The following CPA3 variants were observed in gnomAD, a reference collection of about 807,000 sequenced individuals.
CPA3 encodes carboxypeptidase A3.
In CPA3, 52 loss-of-function variants were observed where a neutral mutation model predicts 55.8. The ratio of observed to expected loss-of-function variants is 0.93; its 90% CI spans 0.75 to 1.17. The LOEUF (loss-of-function observed/expected upper bound fraction) is 1.17. Among genes scored for constraint, CPA3 ranks in the 50% most tolerant of loss-of-function variants. The pLI, the probability that CPA3 is intolerant of heterozygous loss-of-function variation, is 0.00. For synonymous variants in CPA3, 179 were observed against 171.2 expected (o/e 1.05, Z -0.36); for missense variants, 547 against 509.1 (o/e 1.07, Z -0.72).
intron 10 of CPA3, among the ~76,000 whole-genome samples, chr3:148,887,914 G>A (rs1384445008): frequency 6.6e-6 from 1 of 152,162 alleles, no homozygotes; most frequent in African/African-American, 2.4e-5. Flanking sequence ...AAGTGAATGT[G>A]AGTTGAAACC....
At position 148,883,803 on chromosome 3, in the gene CPA3, C is replaced by A. The variant is rs1402821968; in HGVS notation, c.969C>A (p.Asn323Lys). The stretch of plus-strand genomic sequence containing the variant: ...GATATACATCAAAACTGCCACCTAA[C>A]CATGAGGACTTGGTACGTAGACAAA... ...PYGYTSKLPP[N>K]HEDLAKVAKI... is the part of the protein sequence containing the mutation. Residue 323 changes from asparagine to lysine, a missense_variant, in exon 9 of 11, where the codon AAC becomes AAA. Coordinates refer to ENST00000296046, the MANE Select transcript of CPA3 (RefSeq NM_001870.4). 2 of 1,613,474 alleles carry A rather than the reference C, an allele frequency of 1.2e-6. No individual in the cohort carries two copies. Among genetic ancestry groups the A allele is most frequent in the Non-Finnish European group, 1.7e-6 (2 of 1,179,538 alleles).
At chr3:148,868,621 G>A (rs1713972121) in intron 2 of CPA3, among the ~76,000 whole-genome samples, 1 of 151,344 alleles carries the variant, frequency 6.6e-6, no homozygotes, top group African/African-American at 2.4e-5. Context: ...CAAAATTGTG[G>A]AAGAAAAAAA....
chr3:148,866,143 T>C (rs1466690269), intron 2 of CPA3, among the ~76,000 whole-genome samples: 3 of 152,338 alleles, frequency 2.0e-5, no homozygotes, highest in East Asian at 1.9e-4. Context: ...AGGGTTATAA[T>C]GTAACTCATT....
Position 148,876,662 on chromosome 3 carries a change from C to T in CPA3, c.270-1779C>T, listed in dbSNP as rs563028314. ...AAAGTGCTGGGATTACAGGTGTGAA[C>T]CACCATGCCCAGCCAAGACATTTAT... On this transcript the variant is annotated intron_variant, in intron 3 of 10. Coordinates refer to ENST00000296046, the MANE Select transcript of CPA3 (RefSeq NM_001870.4). Among the ~76,000 whole-genome samples the T allele has an allele frequency of 4.9e-3, 748 of 152,240 alleles. 4 individuals are homozygous for T. Among genetic ancestry groups the T allele is most frequent in the Non-Finnish European group, 5.1e-3 (349 of 68,010 alleles).
At chr3:148,875,144 A>G (rs897362084) in intron 3 of CPA3, among the ~76,000 whole-genome samples, 2 of 152,194 alleles carry the variant, frequency 1.3e-5, no homozygotes, top group Admixed American at 1.3e-4. Flanking sequence ...GATAAGATTT[A>G]TAGTGACGGA....
Position 148,896,972 on chromosome 3 carries a change from T to G in CPA3, c.*265T>G, listed in dbSNP as rs1237381505. 4 of 277,418 alleles carry G rather than the reference T, an allele frequency of 1.4e-5. No homozygotes were observed. Among genetic ancestry groups the G allele is most frequent in the Non-Finnish European group, 2.7e-5 (4 of 148,420 alleles). The allele number at this position is 277,418 out of a possible 1,614,324, so 17.2% of individuals were successfully genotyped here. ...GAAAGCATTATTTTGAAAGGTGATATACAGTGGGGCACAGAAAACAAATGA... is the reference window on the plus strand; with the variant it reads ...GAAAGCATTATTTTGAAAGGTGATAGACAGTGGGGCACAGAAAACAAATGA... On this transcript the variant is annotated 3_prime_UTR_variant, in exon 11 of 11. Coordinates refer to ENST00000296046, the MANE Select transcript of CPA3 (RefSeq NM_001870.4).
intron 8 of CPA3, 151 bp downstream of exon 8, chr3:148,882,746 C>A: frequency 1.6e-6 from 1 of 637,452 alleles, no homozygotes; most frequent in Non-Finnish European, 2.8e-6. Flanking sequence ...ATCATCACTA[C>A]CATTGAGGGA....
intron 10 of CPA3, among the ~76,000 whole-genome samples, chr3:148,888,264 G>A (rs1343572881): frequency 6.6e-6 from 1 of 152,170 alleles, no homozygotes; most frequent in African/African-American, 2.4e-5. Flanking sequence ...CAGTTTCTAG[G>A]ACTTACTTAT....
chr3:148,886,776 C>T (rs1051030807), intron 10 of CPA3, among the ~76,000 whole-genome samples: 1 of 152,168 alleles, frequency 6.6e-6, no homozygotes, highest in African/African-American at 2.4e-5. Flanking sequence ...CTCTTTCTTA[C>T]TTGCCTTGTC....
intron 3 of CPA3, among the ~76,000 whole-genome samples, chr3:148,878,033 A>G (rs1403634908): frequency 6.6e-6 from 1 of 152,236 alleles, no homozygotes; most frequent in East Asian, 1.9e-4. Flanking sequence ...AGGTAAAATT[A>G]ACTGTAGCAA....
intron 9 of CPA3, among the ~76,000 whole-genome samples, chr3:148,885,440 CT>C (rs1714503481): frequency 8.7e-6 from 1 of 114,662 alleles, no homozygotes; most frequent in Non-Finnish European, 1.7e-5. Context: ...TAGACGGAGT[CT>C]CGCTCTGTCA....
chr3:148,878,304 AGAG>A, intron 3 of CPA3, 134 bp from the exon 4 acceptor site: 1 of 682,820 alleles, frequency 1.5e-6, no homozygotes, highest in Non-Finnish European at 2.6e-6. Flanking sequence ...GGAGATAGCT[AGAG>A]GAGAATAATG....
chr3:148,873,377 G>GCGCACA (rs1553769016), intron 3 of CPA3, among the ~76,000 whole-genome samples: 1 of 145,918 alleles, frequency 6.9e-6, no homozygotes, highest in East Asian at 2.0e-4. Flanking sequence ...GCGCACACGC[G>GCGCACA]CACACACACA....
chr3:148,889,444 A>AT (rs1714612741), intron 10 of CPA3, among the ~76,000 whole-genome samples: 1 of 152,120 alleles, frequency 6.6e-6, no homozygotes, highest in South Asian at 2.1e-4. Context: ...TTTAGAAAAA[A>AT]ATATATATAT....
At chr3:148,876,179 G>GA (rs973705102) in intron 3 of CPA3, among the ~76,000 whole-genome samples, 2 of 144,236 alleles carry the variant, frequency 1.4e-5, no homozygotes, top group Non-Finnish European at 3.0e-5. Flanking sequence ...AATGTAGTGA[G>GA]AAAAAAAGTC....
intron 3 of CPA3, among the ~76,000 whole-genome samples, chr3:148,873,367 G>A (rs145905645): frequency 1.1e-4 from 13 of 119,688 alleles, no homozygotes; most frequent in East Asian, 2.8e-4. Flanking sequence ...GCATGCACGC[G>A]CGCACACGCG....
At chr3:148,865,805 A>G (rs1386526517) in intron 2 of CPA3, among the ~76,000 whole-genome samples, 1 of 152,160 alleles carries the variant, frequency 6.6e-6, no homozygotes, top group African/African-American at 2.4e-5. Context: ...CTATGAAATC[A>G]GGAGCTGTTC....
At chr3:148,872,199 AAAC>A (rs1370396533) in intron 3 of CPA3, among the ~76,000 whole-genome samples, 2 of 152,226 alleles carry the variant, frequency 1.3e-5, no homozygotes, top group Non-Finnish European at 2.9e-5. Flanking sequence ...TTCAAAAAAC[AAAC>A]AACATGGATA....
chr3:148,879,832 T>C lies in CPA3; in HGVS notation c.519T>C (p.Cys173=). Reference sequence around the variant, plus strand: ...GAAGAAAGGCTATTTTTACGGATTGTGGCATTCACGCACGAGAATGGGTCT... The same window carrying C: ...GAAGAAAGGCTATTTTTACGGATTGCGGCATTCACGCACGAGAATGGGTCT... ...NERRKAIFTD[C]GIHAREWVSP... Residue 173 remains cysteine (C), a synonymous_variant, in exon 6 of 11, where the codon TGT becomes TGC. Coordinates refer to ENST00000296046, the MANE Select transcript of CPA3 (RefSeq NM_001870.4). The C allele has an allele frequency of 2.5e-6, 4 of 1,612,888 alleles. No individual in the cohort carries two copies. The highest frequency in any genetic ancestry group is 3.4e-6 in the Non-Finnish European group (4 of 1,178,978).
Sources: allele counts gnomAD v4.1 joint callset (sites outside exome capture counted in the v4.1 genomes callset), GRCh38; gene constraint gnomAD v4.1.1; transcripts MANE v1.5; gene names NCBI Gene and HGNC (gene_info 2026-07-23, HGNC 2026-07-21).